CNTNAP2: variants seen among roughly 807,000 people sequenced by gnomAD.
CNTNAP2 encodes contactin associated protein 2.
In CNTNAP2, 98 loss-of-function variants were observed where a neutral mutation model predicts 155.2. That is an observed-to-expected ratio of 0.63 (90% CI 0.54 to 0.75). The LOEUF (loss-of-function observed/expected upper bound fraction) is 0.75, where lower values mean the gene tolerates loss of function less well. Ranked by LOEUF, CNTNAP2 falls within the 30% of genes least tolerant of loss-of-function variation. The pLI is 0.00. For missense variants in CNTNAP2, 1,727 were observed against 1,688.1 expected (o/e 1.02, Z -0.40); for synonymous variants, 651 against 631.2 (o/e 1.03, Z -0.47).
intron 21 of CNTNAP2, among the ~76,000 whole-genome samples, chr7:148,383,207 T>TTTA (rs1554427395): frequency 2.7e-5 from 4 of 148,194 alleles, no homozygotes; most frequent in African/African-American, 7.7e-5. Context: ...TTTTTTTTTT[T>TTTA]AAAGAATTCT....
chr7:148,398,580 A>G (rs1435213082), intron 22 of CNTNAP2, among the ~76,000 whole-genome samples: 2 of 152,204 alleles, frequency 1.3e-5, no homozygotes, highest in African/African-American at 4.8e-5. Context: ...CCACAGAGGG[A>G]GAGTAAAAGG....
intron 13 of CNTNAP2, among the ~76,000 whole-genome samples, chr7:147,767,121 G>A (rs890660695): frequency 6.6e-6 from 1 of 151,988 alleles, no homozygotes; most frequent in Non-Finnish European, 1.5e-5. Flanking sequence ...TAAAACAGTT[G>A]CTTGATACAA....
chr7:146,318,857 T>C (rs1040904313), intron 1 of CNTNAP2, among the ~76,000 whole-genome samples: 2 of 152,160 alleles, frequency 1.3e-5, no homozygotes, highest in Non-Finnish European at 2.9e-5. Flanking sequence ...TAATCTTACA[T>C]AATAAAGTAA....
intron 10 of CNTNAP2, among the ~76,000 whole-genome samples, chr7:147,450,935 T>C (rs1351371235): frequency 1.3e-5 from 2 of 152,250 alleles, no homozygotes; most frequent in Non-Finnish European, 2.9e-5. Context: ...TCAGTAGATC[T>C]GTAATCCCAC....
intron 1 of CNTNAP2, among the ~76,000 whole-genome samples, chr7:146,721,490 CATTCTATATATATTCTATATAT>C (rs1314916456): frequency 8.2e-6 from 1 of 121,522 alleles, no homozygotes; most frequent in African/African-American, 3.4e-5. Flanking sequence ...ATTCTATATA[CATTCTATATATATTCTATATAT>C]ACATTCTATA....
At chr7:148,012,813 C>A (rs1350518509) in intron 15 of CNTNAP2, among the ~76,000 whole-genome samples, 3 of 152,170 alleles carry the variant, frequency 2.0e-5, no homozygotes, top group Non-Finnish European at 4.4e-5. Flanking sequence ...ACTTTTGACT[C>A]TTTTGCTACA....
At chr7:147,526,229 G>A (rs1799316901) in intron 11 of CNTNAP2, among the ~76,000 whole-genome samples, 1 of 151,410 alleles carries the variant, frequency 6.6e-6, no homozygotes, top group South Asian at 2.1e-4. Context: ...ATATTGTTGT[G>A]GAAAAACATT....
At chr7:147,571,506 C>T (rs993005746) in intron 12 of CNTNAP2, among the ~76,000 whole-genome samples, 1 of 151,990 alleles carries the variant, frequency 6.6e-6, no homozygotes, top group Non-Finnish European at 1.5e-5. Context: ...ACTCTATCCC[C>T]AACATCTAGT....
chr7:146,466,415 T>A (rs764853014), intron 1 of CNTNAP2, among the ~76,000 whole-genome samples: 17 of 152,220 alleles, frequency 1.1e-4, no homozygotes, highest in Admixed American at 6.5e-5. Context: ...GCATTTGAAC[T>A]ACAACAATGC....
rs188677844 is a variant in CNTNAP2 at position 148,238,660 on chromosome 7, G to T, written c.3381+8881G>T. On this transcript the variant is annotated intron_variant, in intron 20 of 23. Coordinates refer to ENST00000361727, the MANE Select transcript of CNTNAP2 (RefSeq NM_014141.6). Reference sequence around the variant, plus strand: ...TTTTATAATCAAAGAGAACTACAAGGTCCAACGTTAAGGCTAGTGTTTTTA... The same window carrying T: ...TTTTATAATCAAAGAGAACTACAAGTTCCAACGTTAAGGCTAGTGTTTTTA... Among the ~76,000 whole-genome samples the T allele has an allele frequency of 3.2e-3, 492 of 152,230 alleles. 1 individual carries two copies. Among genetic ancestry groups the T allele is most frequent in the Admixed American group, 5.0e-3 (77 of 15,300 alleles).
chr7:147,058,905 C>T (rs1241826509), intron 4 of CNTNAP2, among the ~76,000 whole-genome samples: 1 of 152,156 alleles, frequency 6.6e-6, no homozygotes, highest in African/African-American at 2.4e-5. Flanking sequence ...ATTCCCGTCC[C>T]TCAAAGGGCT....
At chr7:147,641,100 G>C (rs529544478) in intron 13 of CNTNAP2, among the ~76,000 whole-genome samples, 1 of 152,316 alleles carries the variant, frequency 6.6e-6, no homozygotes, top group African/African-American at 2.4e-5. Context: ...GCCGGTATTT[G>C]CACATCAAAG....
intron 17 of CNTNAP2, among the ~76,000 whole-genome samples, chr7:148,168,033 A>G (rs201010481): frequency 6.6e-6 from 1 of 152,212 alleles, no homozygotes; most frequent in East Asian, 1.9e-4. Flanking sequence ...AAATATCTCC[A>G]TTCTCAATCA....
intron 17 of CNTNAP2, among the ~76,000 whole-genome samples, chr7:148,150,918 C>A (rs982747865): frequency 6.6e-6 from 1 of 151,458 alleles, no homozygotes; most frequent in African/African-American, 2.4e-5. Flanking sequence ...TGAGGTCTCC[C>A]TATGTTGCCC....
At chr7:148,177,344 G>A (rs1794955358) in intron 18 of CNTNAP2, among the ~76,000 whole-genome samples, 1 of 152,196 alleles carries the variant, frequency 6.6e-6, no homozygotes, top group Non-Finnish European at 1.5e-5. Context: ...GGAAAGCCAT[G>A]TGAAGACGGA....
chr7:147,230,341 T>C (rs1803650610), intron 8 of CNTNAP2, among the ~76,000 whole-genome samples: 1 of 152,138 alleles, frequency 6.6e-6, no homozygotes, highest in South Asian at 2.1e-4. Context: ...CACTGCAACC[T>C]CCGCCTCCTG....
intron 1 of CNTNAP2, among the ~76,000 whole-genome samples, chr7:146,768,387 T>C (rs1156244142): frequency 6.6e-6 from 1 of 151,892 alleles, no homozygotes; most frequent in Non-Finnish European, 1.5e-5. Context: ...CCTTGCCTTC[T>C]GCTCCTGAGT....
chr7:146,451,880 C>CAT (rs71175650), intron 1 of CNTNAP2, among the ~76,000 whole-genome samples: 4 of 106,216 alleles, frequency 3.8e-5, no homozygotes, highest in African/African-American at 1.9e-4. Flanking sequence ...CGTATATATA[C>CAT]ACATATACAT....
intron 22 of CNTNAP2, among the ~76,000 whole-genome samples, chr7:148,405,603 A>AGTTTT (rs1799683978): frequency 2.7e-5 from 1 of 36,794 alleles, no homozygotes; most frequent in Non-Finnish European, 4.4e-5. Flanking sequence ...TGCACAGCTA[A>AGTTTT]TTTTTTTTTT....
Sources: allele counts gnomAD v4.1 joint callset (sites outside exome capture counted in the v4.1 genomes callset), GRCh38; gene constraint gnomAD v4.1.1; transcripts MANE v1.5; gene names NCBI Gene and HGNC (gene_info 2026-07-23, HGNC 2026-07-21).